Variants in VGLL4 observed in about 807,000 individuals in gnomAD.
VGLL4 encodes vestigial like family member 4, also known as transcription cofactor vestigial-like protein 4.
Under a neutral mutation model 21.0 loss-of-function variants are expected in VGLL4, and 7 were observed. The ratio of observed to expected loss-of-function variants is 0.33; its 90% CI spans 0.19 to 0.63. The LOEUF (loss-of-function observed/expected upper bound fraction) is 0.63, where lower values mean the gene tolerates loss of function less well. VGLL4 is among the 20% of genes least tolerant of loss of function. The probability of loss-of-function intolerance (pLI) is 0.78; values close to 1 mark genes in which losing one functional copy is unlikely to be tolerated. For missense variants in VGLL4, 394 were observed against 425.7 expected, an observed-to-expected ratio of 0.93 and a Z score of 0.66; for synonymous variants, 222 against 173.2, an observed-to-expected ratio of 1.28 and a Z score of -2.21.
chr3:11,647,031 G>A (rs1313220247), upstream of VGLL4, among the ~76,000 whole-genome samples: 2 of 152,126 alleles, frequency 1.3e-5, no homozygotes, highest in Non-Finnish European at 2.9e-5. Context: ...CTAGTTATAG[G>A]GCTGCATTAC....
chr3:11,711,441 G>A (rs2076843791), intron 1 of VGLL4, among the ~76,000 whole-genome samples: 1 of 151,942 alleles, frequency 6.6e-6, no homozygotes, highest in African/African-American at 2.4e-5. Context: ...GCAGGCACCT[G>A]TGGTCCCAGC....
intron 1 of VGLL4, among the ~76,000 whole-genome samples, chr3:11,710,994 G>C (rs574711310): frequency 6.6e-6 from 1 of 152,058 alleles, no homozygotes; most frequent in Non-Finnish European, 1.5e-5. Flanking sequence ...CAGCTACTCA[G>C]GAGGCTGAGG....
chr3:11,601,709 G>T, intron 2 of VGLL4, 124 bp downstream of exon 2: 3 of 1,207,158 alleles, frequency 2.5e-6, no homozygotes, highest in South Asian at 1.4e-5. Flanking sequence ...TTTTTCTTTT[G>T]TAAATAATAT....
At chr3:11,674,956 G>C (rs1274649966) in intron 2 of VGLL4, among the ~76,000 whole-genome samples, 1 of 152,164 alleles carries the variant, frequency 6.6e-6, no homozygotes, top group African/African-American at 2.4e-5. Flanking sequence ...ATTCTCCCTC[G>C]ATGATGTGAA....
chr3:11,590,624 T>C (rs994321050), intron 2 of VGLL4, among the ~76,000 whole-genome samples: 1 of 152,114 alleles, frequency 6.6e-6, no homozygotes, highest in African/African-American at 2.4e-5. Flanking sequence ...CCTCTAATTA[T>C]GTTTTGGAGA....
At chr3:11,573,591 A>ATCC (rs2073942514) in intron 2 of VGLL4, among the ~76,000 whole-genome samples, 1 of 152,130 alleles carries the variant, frequency 6.6e-6, no homozygotes, top group Non-Finnish European at 1.5e-5. Context: ...GCTGCTGTGT[A>ATCC]TCCTCGGTGA....
chr3:11,580,192 C>T (rs545449495), intron 2 of VGLL4, among the ~76,000 whole-genome samples: 29 of 152,300 alleles, frequency 1.9e-4, no homozygotes, highest in African/African-American at 2.2e-4. Context: ...TTCTTGCAGC[C>T]GCTGGAACTA....
intron 1 of VGLL4, among the ~76,000 whole-genome samples, chr3:11,633,921 G>A (rs915328551): frequency 7.2e-5 from 11 of 152,178 alleles, no homozygotes; most frequent in Non-Finnish European, 1.5e-4. Flanking sequence ...TGTAAACCTA[G>A]AAGAAGATGA....
intron 1 of VGLL4, chr3:11,607,164 T>C (rs1039163230): frequency 2.0e-5 from 3 of 152,172 alleles, no homozygotes; most frequent in African/African-American, 7.2e-5. Context: ...ATTATTAAAA[T>C]AGCTAAATAG....
At chr3:11,642,826 G>C (rs2075721756) in intron 1 of VGLL4, among the ~76,000 whole-genome samples, 1 of 152,166 alleles carries the variant, frequency 6.6e-6, no homozygotes, top group Non-Finnish European at 1.5e-5. Context: ...AGCGGAGCGC[G>C]AGGAACACCC....
chr3:11,679,167 C>A (rs1317077083), intron 2 of VGLL4, among the ~76,000 whole-genome samples: 1 of 152,112 alleles, frequency 6.6e-6, no homozygotes, highest in East Asian at 1.9e-4. Flanking sequence ...CAACCCCAGG[C>A]AGGTCCCTCA....
In VGLL4 at chr3:11,643,744, T is replaced by C. The variant is rs2075740838; in HGVS notation, c.-226A>G. 1 of 1,326,072 alleles carries C rather than the reference T, an allele frequency of 7.5e-7. No individual in the cohort carries two copies. Among genetic ancestry groups the C allele is most frequent in the Admixed American group, 3.3e-5 (1 of 29,998 alleles). The allele number at this position is 1,326,072 out of a possible 1,614,324, so 82.1% of individuals were successfully genotyped here. On this transcript the variant is annotated 5_prime_UTR_variant, in exon 1 of 5. Transcript: ENST00000430365. ...CAAGGGCTTACTGGTAGACGGTGTA[T>C]GTACTGTATCCCCGATCGAGTATGA...
chr3:11,618,441 C>T (rs1384730967), intron 1 of VGLL4, among the ~76,000 whole-genome samples: 1 of 152,134 alleles, frequency 6.6e-6, no homozygotes, highest in African/African-American at 2.4e-5. Context: ...CAGCTAATTT[C>T]ATACATGGGT....
At chr3:11,590,547 C>T (rs1406089268) in intron 2 of VGLL4, among the ~76,000 whole-genome samples, 5 of 152,218 alleles carry the variant, frequency 3.3e-5, no homozygotes, top group Non-Finnish European at 5.9e-5. Flanking sequence ...GGATCCAGAA[C>T]TCAGATCCCT....
rs774301366 is a variant in VGLL4, at chr3:11,564,812, C to T, written c.480G>A (p.Pro160=). The stretch of plus-strand genomic sequence containing the variant: ...AGAGGCCCACCTGCTGCCGCTCCCC[C>T]GGGGTCAGTGTGGGCGAGAGGCCGG... The part of the protein sequence containing the change: ...RPAGLSPTLT[P]GERQQNRPSV... Residue 160 remains proline, a synonymous_variant, in exon 3 of 5, where the codon CCG becomes CCA. Coordinates refer to ENST00000430365, the MANE Select transcript of VGLL4 (RefSeq NM_001128219.3). 17 of 1,569,880 alleles carry T rather than the reference C, an allele frequency of 1.1e-5. No homozygotes were observed. Among genetic ancestry groups the T allele is most frequent in the African/African-American group, 4.1e-5 (3 of 74,062 alleles).
Position 11,568,967 on chromosome 3 carries a change from G to C in VGLL4, c.273-3948C>G. The C allele has an allele frequency of 3.4e-6, 4 of 1,179,132 alleles. No homozygotes were observed. Among genetic ancestry groups the C allele is most frequent in the Non-Finnish European group, 3.2e-6 (3 of 946,156 alleles). The allele number at this position is 1,179,132 out of a possible 1,614,324, so 73.0% of individuals were successfully genotyped here. A position where few individuals can be genotyped will look rare whatever the true frequency, so the allele number is the denominator to read the frequency against. ...ACGGAGAGAAAGATGGAAAGAGGAG[G>C]GAGGGAAAGAGAGGCCTACAACACC... On this transcript the variant is annotated intron_variant, in intron 2 of 4. Coordinates refer to ENST00000430365, the MANE Select transcript of VGLL4 (RefSeq NM_001128219.3). The surrounding 1 kb of genome is among the most constrained non-coding windows in gnomAD (Gnocchi z 5.9).
At position 11,558,098 on chromosome 3, in the gene VGLL4, T is replaced by C. The variant is rs950052533; in HGVS notation, c.*458A>G. On this transcript the variant is annotated 3_prime_UTR_variant, in exon 5 of 5. Transcript: ENST00000430365. ...GTGCAAATCAGACACGACAGTTCTC[T>C]TCAAGTATACACACGCACACACATG... 6 of 173,142 alleles carry C rather than the reference T, an allele frequency of 3.5e-5. No homozygotes were observed. The highest frequency in any genetic ancestry group is 1.6e-4 in the Admixed American group (3 of 18,414). The allele number at this position is 173,142 out of a possible 1,614,324, so 10.7% of individuals were successfully genotyped here. A position where few individuals can be genotyped will look rare whatever the true frequency, so the allele number is the denominator to read the frequency against.
At position 11,691,031 on chromosome 3, in the gene VGLL4, T is replaced by C. The variant is rs527491993; in HGVS notation, c.64+11940A>G. Among the ~76,000 whole-genome samples, 19 of 152,018 alleles carry C rather than the reference T, an allele frequency of 1.2e-4. No individual in the cohort carries two copies. In the South Asian group the frequency reaches 2.9e-3, roughly 23 times the overall value. On this transcript the variant is annotated intron_variant, in intron 2 of 5. Coordinates refer to the VGLL4 transcript ENST00000273038. ...GGAAAAAACTATACACGTATCTAAATCTCCACACAGAGATAATGATAGACG... is the reference window on the plus strand; with the variant it reads ...GGAAAAAACTATACACGTATCTAAACCTCCACACAGAGATAATGATAGACG...
intron 2 of VGLL4, among the ~76,000 whole-genome samples, chr3:11,682,141 C>G (rs147935108): frequency 2.6e-5 from 4 of 151,974 alleles, no homozygotes; most frequent in Admixed American, 2.6e-4. Context: ...CAGTGGCTCA[C>G]GCCTGTAATC....
Sources: gnomAD v4.1 joint callset for allele counts (sites outside exome capture counted in the v4.1 genomes callset) on GRCh38, gnomAD v4.1.1 for gene constraint, Gnocchi (gnomAD v3.1) non-coding constraint, MANE v1.5 for transcripts, NCBI Gene and HGNC (gene_info 2026-07-23, HGNC 2026-07-21) for gene names.